Variants in CDKAL1 observed in about 807,000 individuals in gnomAD.
CDKAL1 encodes CDKAL1 threonylcarbamoyladenosine tRNA methylthiotransferase, also known as threonylcarbamoyladenosine tRNA methylthiotransferase.
In CDKAL1, 32 loss-of-function variants were observed where a neutral mutation model predicts 68.2. The ratio of observed to expected loss-of-function variants is 0.47; its 90% confidence interval spans 0.35 to 0.63. The LOEUF (loss-of-function observed/expected upper bound fraction) is 0.63. Ranked by LOEUF, CDKAL1 falls within the 30% of genes least tolerant of loss-of-function variation. The probability of loss-of-function intolerance (pLI) is 0.00; values close to 1 mark genes in which losing one functional copy is unlikely to be tolerated. For synonymous variants in CDKAL1, 234 were observed against 244.3 expected, an observed-to-expected ratio of 0.96 and a Z score of 0.39; for missense variants, 606 against 696.7, an observed-to-expected ratio of 0.87 and a Z score of 1.47.
intron 7 of CDKAL1, 104 bp downstream of exon 7, chr6:20,758,747 T>C: frequency 1.2e-6 from 1 of 817,704 alleles, no homozygotes; most frequent in Non-Finnish European, 1.9e-6. Flanking sequence ...AAAGTTATTG[T>C]TTTAGATATA....
chr6:21,190,135 A>G (rs1487736888), intron 13 of CDKAL1, among the ~76,000 whole-genome samples: 2 of 152,278 alleles, frequency 1.3e-5, no homozygotes, highest in South Asian at 2.1e-4. Flanking sequence ...TAGGGGGGAA[A>G]AAAAAAAACT....
chr6:20,797,841 G>C (rs11968853), intron 8 of CDKAL1, among the ~76,000 whole-genome samples: 60,387 of 143,838 alleles, frequency 0.42, 12,508 homozygotes, highest in East Asian at 0.54. Context: ...CTTGGAGACA[G>C]GGTCTAGCTC....
intron 10 of CDKAL1, among the ~76,000 whole-genome samples, chr6:20,958,403 A>G (rs1304348779): frequency 6.6e-6 from 1 of 152,164 alleles, no homozygotes; most frequent in African/African-American, 2.4e-5. Flanking sequence ...AGAAAAGGTG[A>G]CTGAGCCCCA....
chr6:21,024,687 A>G (rs985227596), intron 11 of CDKAL1, among the ~76,000 whole-genome samples: 5 of 152,208 alleles, frequency 3.3e-5, no homozygotes, highest in African/African-American at 1.2e-4. Context: ...TACACAGTCT[A>G]TAAGATAGAG....
In CDKAL1 at chr6:20,557,066, T is replaced by A. The variant is rs868068452; in HGVS notation, c.286+8361T>A. Among the ~76,000 whole-genome samples the A allele has an allele frequency of 9.2e-3, 1,326 of 143,532 alleles. 26 individuals are homozygous for A. The highest frequency in any genetic ancestry group is 0.047 in the South Asian group (201 of 4,312). 94.2% of individuals were successfully genotyped at this position (143,532 alleles called of 152,430 possible). On this transcript the variant is annotated intron_variant, in intron 4 of 15. Transcript: ENST00000274695. ...CAAAAAAAAAAAATAAATAAATAAA[T>A]AAATAAATAAATAAATAAATGAAAA... is the stretch of plus-strand genomic sequence containing the variant.
At chr6:21,023,616 T>C (rs1768802479) in intron 11 of CDKAL1, among the ~76,000 whole-genome samples, 2 of 152,208 alleles carry the variant, frequency 1.3e-5, no homozygotes, top group South Asian at 4.1e-4. Flanking sequence ...TTAAATGATA[T>C]GCTTCTCAGT....
intron 13 of CDKAL1, among the ~76,000 whole-genome samples, chr6:21,125,758 G>A (rs1284561271): frequency 3.3e-5 from 5 of 152,156 alleles, no homozygotes; most frequent in African/African-American, 7.2e-5. Context: ...GTGTGAGAAC[G>A]GACTAATACA....
chr6:20,615,048 C>A (rs1404353152), intron 4 of CDKAL1, among the ~76,000 whole-genome samples: 2 of 134,338 alleles, frequency 1.5e-5, no homozygotes, highest in African/African-American at 2.8e-5. Flanking sequence ...TTTGTTCTTG[C>A]GATAGTTTAC....
intron 4 of CDKAL1, among the ~76,000 whole-genome samples, chr6:20,585,057 CTT>C (rs11385529): frequency 8.4e-5 from 11 of 131,642 alleles, no homozygotes; most frequent in South Asian, 2.4e-4. Flanking sequence ...AATCTTGTTT[CTT>C]TTTTTTTTTT....
At chr6:21,072,623 T>A (rs1771848876) in intron 12 of CDKAL1, among the ~76,000 whole-genome samples, 1 of 147,910 alleles carries the variant, frequency 6.8e-6, no homozygotes, top group African/African-American at 2.5e-5. Context: ...CGTAGCCTGT[T>A]ACCATCTTCC....
chr6:20,975,860 T>C (rs562800458), intron 10 of CDKAL1, among the ~76,000 whole-genome samples: 30 of 152,364 alleles, frequency 2.0e-4, no homozygotes, highest in African/African-American at 7.2e-4. Context: ...CTGTACTTTA[T>C]GGCACTCTTA....
At chr6:20,888,793 C>G (rs1467758953) in intron 9 of CDKAL1, among the ~76,000 whole-genome samples, 4 of 152,040 alleles carry the variant, frequency 2.6e-5, no homozygotes, top group Non-Finnish European at 5.9e-5. Flanking sequence ...GGGTTGGTTC[C>G]AAGTCTTTGC....
At chr6:20,618,541 G>A (rs1217932994) in intron 4 of CDKAL1, among the ~76,000 whole-genome samples, 1 of 152,144 alleles carries the variant, frequency 6.6e-6, no homozygotes, top group Non-Finnish European at 1.5e-5. Context: ...GTGTGCATAA[G>A]GCTTAATGCT....
chr6:20,679,838 T>A (rs1030358810), intron 5 of CDKAL1, among the ~76,000 whole-genome samples: 22 of 152,292 alleles, frequency 1.4e-4, no homozygotes, highest in African/African-American at 4.8e-4. Context: ...CCTAAGGGTT[T>A]ATTAGGATGT....
chr6:20,663,056 A>G (rs906771826), intron 5 of CDKAL1, among the ~76,000 whole-genome samples: 5 of 152,098 alleles, frequency 3.3e-5, no homozygotes, highest in Admixed American at 6.6e-5. Context: ...TGGCCATCAC[A>G]TGCACTTTCC....
intron 9 of CDKAL1, among the ~76,000 whole-genome samples, chr6:20,925,385 C>T (rs1042348075): frequency 6.6e-6 from 1 of 152,124 alleles, no homozygotes; most frequent in African/African-American, 2.4e-5. Flanking sequence ...TGCACTTTTT[C>T]CCTTATTGCA....
intron 13 of CDKAL1, among the ~76,000 whole-genome samples, chr6:21,144,399 T>C (rs898328199): frequency 6.6e-6 from 1 of 152,198 alleles, no homozygotes; most frequent in African/African-American, 2.4e-5. Context: ...TGCTAAATAC[T>C]GTGCTGTGGT....
intron 10 of CDKAL1, among the ~76,000 whole-genome samples, chr6:20,958,616 C>T (rs757472186): frequency 1.5e-4 from 23 of 152,036 alleles, no homozygotes; most frequent in Non-Finnish European, 3.4e-4. Flanking sequence ...AAGATGAAAA[C>T]AGAAAAAAAT....
intron 13 of CDKAL1, among the ~76,000 whole-genome samples, chr6:21,111,080 T>C (rs1288109940): frequency 5.3e-5 from 8 of 152,146 alleles, no homozygotes; most frequent in Non-Finnish European, 2.9e-5. Flanking sequence ...GTTTGGGGGG[T>C]GTTCATTATT....
Sources: gnomAD v4.1 joint callset for allele counts (sites outside exome capture counted in the v4.1 genomes callset) on GRCh38, gnomAD v4.1.1 for gene constraint, MANE v1.5 for transcripts, NCBI Gene and HGNC (gene_info 2026-07-23, HGNC 2026-07-21) for gene names.